Variants in OTOF observed in about 807,000 individuals in gnomAD.
OTOF encodes otoferlin.
A neutral mutation model predicts 236.8 loss-of-function variants in OTOF; 218 were observed. The observed-to-expected ratio is 0.92, with a 90% confidence interval of 0.82 to 1.03. The LOEUF (loss-of-function observed/expected upper bound fraction) is 1.03, where lower values mean the gene tolerates loss of function less well. Ranked by LOEUF, OTOF falls within the 50% of genes least tolerant of loss-of-function variation. The pLI is 0.00. For synonymous variants in OTOF, 1,041 were observed against 1,072.5 expected (o/e 0.97, Z 0.57); for missense variants, 2,590 against 2,694.4 (o/e 0.96, Z 0.86).
intron 2 of OTOF, 40 bp downstream of exon 2, chr2:26,537,676 G>C: frequency 6.7e-7 from 1 of 1,493,562 alleles, no homozygotes; most frequent in East Asian, 2.5e-5. Flanking sequence ...TTCCCCTCTG[G>C]GCTCAGGGCT....
chr2:26,463,504 ATG>A lies in OTOF; in HGVS notation c.5169_5170del (p.Ile1724LeufsTer19). ...TCACTTCTTGGGCTTCCGAGGTGAG[ATG>A]TCCAGAGGCGTCCCAGGGGCTGGCA... On this transcript the variant is annotated frameshift_variant, in exon 41 of 47. Transcript: ENST00000272371. LOFTEE classifies it high-confidence loss of function. 1 of 1,607,322 alleles carries A rather than the reference ATG, an allele frequency of 6.2e-7. No individual in the cohort carries two copies. The highest frequency in any genetic ancestry group is 8.5e-7 in the Non-Finnish European group (1 of 1,177,246).
At chr2:26,519,346 T>C (rs1450657851) in intron 3 of OTOF, among the ~76,000 whole-genome samples, 1 of 152,192 alleles carries the variant, frequency 6.6e-6, no homozygotes, top group Non-Finnish European at 1.5e-5. Context: ...CAAGGGGCAG[T>C]GAGCACCCTT....
chr2:26,464,781 G>A, intron 39 of OTOF, 88 bp downstream of exon 39: 2 of 1,335,126 alleles, frequency 1.5e-6, no homozygotes, highest in Non-Finnish European at 2.1e-6. Flanking sequence ...AGGCTAGGCT[G>A]TGAGGTTCCC....
chr2:26,554,879 G>A (rs558459220), intron 1 of OTOF, among the ~76,000 whole-genome samples: 7 of 152,300 alleles, frequency 4.6e-5, no homozygotes, highest in African/African-American at 1.7e-4. Context: ...GCCAGATCCA[G>A]CCTTTAGATG....
At chr2:26,480,477 A>G (rs963435851) in intron 15 of OTOF, among the ~76,000 whole-genome samples, 166 bp from the exon 16 acceptor site, 1 of 152,164 alleles carries the variant, frequency 6.6e-6, no homozygotes, top group Non-Finnish European at 1.5e-5. Flanking sequence ...CAGCCTGGAT[A>G]TCCATGGAAG....
chr2:26,548,491 C>T (rs571787218), intron 1 of OTOF, among the ~76,000 whole-genome samples: 135 of 152,294 alleles, frequency 8.9e-4, no homozygotes, highest in African/African-American at 3.2e-3. Context: ...CCCATTCTCC[C>T]TCCCCACAGC....
In OTOF at chr2:26,465,856, G is replaced by T. The variant is rs1664700625; in HGVS notation, c.4629-14C>A. 6.2e-7 allele frequency: 1 copy of T among 1,614,126 alleles called. No individual in the cohort carries two copies. The highest frequency in any genetic ancestry group is 8.5e-7 in the Non-Finnish European group (1 of 1,180,044). ...ATGTCAAAGGACCTGGTGGGGTGGA[G>T]TTAGGAGAAGGGCTTAAGGATTGGC... is the stretch of plus-strand genomic sequence containing the variant. On this transcript the variant is annotated splice_polypyrimidine_tract_variant and intron_variant, in intron 37 of 46. Coordinates refer to ENST00000272371, the MANE Select transcript of OTOF (RefSeq NM_194248.3).
chr2:26,500,857 C>A (rs1666099580), intron 8 of OTOF, among the ~76,000 whole-genome samples: 1 of 152,132 alleles, frequency 6.6e-6, no homozygotes, highest in Admixed American at 6.5e-5. Flanking sequence ...AACTAGGCAT[C>A]AGAGATAAAG....
chr2:26,503,917 G>A, intron 5 of OTOF, 72 bp from the exon 6 acceptor site: 1 of 1,343,192 alleles, frequency 7.4e-7, no homozygotes, highest in Non-Finnish European at 1.1e-6. Flanking sequence ...ACACAGAAGA[G>A]CCAAACATGA....
intron 11 of OTOF, among the ~76,000 whole-genome samples, chr2:26,487,270 G>A (rs1665723154): frequency 6.6e-6 from 1 of 152,270 alleles, no homozygotes; most frequent in South Asian, 2.1e-4. Context: ...AGAAGTTCAG[G>A]CCAAACTGGA....
intron 1 of OTOF, among the ~76,000 whole-genome samples, chr2:26,549,309 TA>T (rs1667404792): frequency 6.6e-6 from 1 of 152,226 alleles, no homozygotes; most frequent in Non-Finnish European, 1.5e-5. Flanking sequence ...TCTCTTGTAA[TA>T]ACAATTTTTT....
chr2:26,555,232 A>T (rs1163774514), intron 1 of OTOF, among the ~76,000 whole-genome samples: 2 of 152,206 alleles, frequency 1.3e-5, no homozygotes, highest in Admixed American at 1.3e-4. Flanking sequence ...TACTCCTGGG[A>T]ACTGCAGGCC....
intron 23 of OTOF, 42 bp downstream of exon 23, chr2:26,476,086 C>G (rs778599438): frequency 1.2e-6 from 2 of 1,611,430 alleles, no homozygotes; most frequent in African/African-American, 2.7e-5. Context: ...GCCCCTCCGG[C>G]CCCCTCCCAG....
At chr2:26,463,869 C>G (rs1664598826) in intron 40 of OTOF, 95 bp downstream of exon 40, 2 of 1,520,766 alleles carry the variant, frequency 1.3e-6, no homozygotes, top group Non-Finnish European at 1.8e-6. Flanking sequence ...ATGCAGCGGA[C>G]AGCGTGAGGC....
intron 2 of OTOF, among the ~76,000 whole-genome samples, chr2:26,531,431 T>G (rs757594968): frequency 1.3e-5 from 2 of 152,098 alleles, no homozygotes; most frequent in Non-Finnish European, 2.9e-5. Flanking sequence ...ATTGAGAGAA[T>G]CAAATGGGAT....
At position 26,477,035 on chromosome 2, in the gene OTOF, G is replaced by T; in HGVS notation, c.2532C>A (p.His844Gln). 1 of 1,584,994 alleles carries T rather than the reference G, an allele frequency of 6.3e-7. No individual in the cohort carries two copies. Among genetic ancestry groups the T allele is most frequent in the African/African-American group, 1.3e-5 (1 of 74,456 alleles). Residue 844 changes from histidine (H) to glutamine (Q), a missense_variant, in exon 22 of 47, where the codon CAC (histidine) becomes CAA (glutamine). This residue lies in a region of OTOF where 1,379 missense variants were observed against 1,341.6 expected (regional missense o/e 1.03). Coordinates refer to ENST00000272371, the MANE Select transcript of OTOF (RefSeq NM_194248.3). This position sits in a 1 kb window ranked among gnomAD's most constrained non-coding sequence, Gnocchi z 4.7. ...TCCAGATGAAGATGTCGGGAATGCT[G>T]TGCTGGGGCTGGGGGTTGGGGGGTG... ...KLRFLADEPQ[H>Q]SIPDIFIWMM...
At chr2:26,551,003 C>T (rs574586998) in intron 1 of OTOF, among the ~76,000 whole-genome samples, 1 of 152,198 alleles carries the variant, frequency 6.6e-6, no homozygotes, top group Non-Finnish European at 1.5e-5. Context: ...TTTTTTCCCC[C>T]CCTTGAGACA....
chr2:26,526,745 G>A (rs183989121), intron 3 of OTOF, among the ~76,000 whole-genome samples: 18 of 152,252 alleles, frequency 1.2e-4, no homozygotes, highest in Admixed American at 3.9e-4. Context: ...CTTTTCTTTT[G>A]TTTGTAGTCT....
chr2:26,479,526 C>G lies in OTOF; in HGVS notation c.2040G>C (p.Gly680=). ...NASDDEAGDA[G]DLASVSSTPP... ...GAGTGGAGGAGACTGAGGCCAGGTC[C>G]CCGGCATCACCGGCCTCGTCATCAC... Residue 680 remains glycine (G), a synonymous_variant, in exon 17 of 47, where the codon GGG becomes GGC. Coordinates refer to ENST00000272371, the MANE Select transcript of OTOF (RefSeq NM_194248.3). 2 of 1,606,986 alleles carry G rather than the reference C, an allele frequency of 1.2e-6. No individual in the cohort carries two copies. Among genetic ancestry groups the G allele is most frequent in the Non-Finnish European group, 1.7e-6 (2 of 1,177,642 alleles).
Sources: gnomAD v4.1 joint callset for allele counts (sites outside exome capture counted in the v4.1 genomes callset) on GRCh38, gnomAD v4.1.1 for gene constraint, gnomAD v4.1.1 regional missense constraint, Gnocchi (gnomAD v3.1) non-coding constraint, MANE v1.5 for transcripts, NCBI Gene and HGNC (gene_info 2026-07-23, HGNC 2026-07-21) for gene names.